Variants in AIG1 observed in about 807,000 individuals in gnomAD.
The protein encoded by AIG1 is androgen induced 1.
A neutral mutation model predicts 31.4 loss-of-function variants in AIG1; 23 were observed. That is an observed-to-expected ratio of 0.73 (90% CI 0.53 to 1.04). The LOEUF is 1.04. Among genes scored for constraint, AIG1 ranks in the 50% least tolerant of loss-of-function variants. AIG1 has a pLI of 0.00. For missense variants in AIG1, 274 were observed against 295.0 expected (o/e 0.93, Z 0.52); for synonymous variants, 100 against 110.5 (o/e 0.90, Z 0.60).
At chr6:143,086,448 A>G (rs529156068) in intron 1 of AIG1, among the ~76,000 whole-genome samples, 1 of 151,258 alleles carries the variant, frequency 6.6e-6, no homozygotes, top group Non-Finnish European at 1.5e-5. Context: ...TTTCATCCTG[A>G]TCTGTTATGT....
intron 1 of AIG1, among the ~76,000 whole-genome samples, chr6:143,119,490 A>C (rs1289477577): frequency 6.6e-6 from 1 of 152,228 alleles, no homozygotes; most frequent in Non-Finnish European, 1.5e-5. Context: ...ACAGATGCAT[A>C]CTTTGGAAGT....
intron 3 of AIG1, among the ~76,000 whole-genome samples, chr6:143,233,091 G>A (rs1305050711): frequency 1.3e-5 from 2 of 152,054 alleles, no homozygotes; most frequent in Non-Finnish European, 2.9e-5. Context: ...TGATATCCAT[G>A]AGTCTCACTT....
At chr6:143,137,488 C>A (rs1420801842) in intron 2 of AIG1, among the ~76,000 whole-genome samples, 1 of 152,162 alleles carries the variant, frequency 6.6e-6, no homozygotes, top group Non-Finnish European at 1.5e-5. Context: ...TCTTAAGCAG[C>A]CCAAACTTGA....
intron 1 of AIG1, among the ~76,000 whole-genome samples, chr6:143,128,755 A>G (rs903607007): frequency 2.0e-5 from 3 of 152,212 alleles, no homozygotes; most frequent in African/African-American, 7.2e-5. Context: ...CTGTAATGGG[A>G]TTTGTTAACT....
chr6:143,290,470 C>T (rs146855409), intron 4 of AIG1, among the ~76,000 whole-genome samples: 22 of 152,302 alleles, frequency 1.4e-4, no homozygotes, highest in African/African-American at 4.6e-4. Flanking sequence ...CGGAGTTGCG[C>T]GCATGCTCAC....
At chr6:143,107,546 T>A (rs755593394) in intron 1 of AIG1, among the ~76,000 whole-genome samples, 1 of 151,968 alleles carries the variant, frequency 6.6e-6, no homozygotes, top group Admixed American at 6.6e-5. Flanking sequence ...CCTTCATAAC[T>A]GCAAGCAAAA....
intron 1 of AIG1, among the ~76,000 whole-genome samples, chr6:143,125,150 A>C (rs2128505641): frequency 6.6e-6 from 1 of 152,350 alleles, no homozygotes; most frequent in South Asian, 2.1e-4. Context: ...CCATGAATAA[A>C]AATTTAGTGG....
intron 3 of AIG1, among the ~76,000 whole-genome samples, chr6:143,217,892 A>C (rs550650776): frequency 1.3e-5 from 2 of 152,328 alleles, no homozygotes; most frequent in South Asian, 4.1e-4. Flanking sequence ...TTTATGGCTC[A>C]ATATGTATTA....
At chr6:143,087,065 G>T (rs1253399249) in intron 1 of AIG1, among the ~76,000 whole-genome samples, 1 of 152,208 alleles carries the variant, frequency 6.6e-6, no homozygotes, top group African/African-American at 2.4e-5. Flanking sequence ...CTTAAGTCAG[G>T]CAGCCATGCT....
intron 2 of AIG1, among the ~76,000 whole-genome samples, chr6:143,141,422 T>C (rs1057028664): frequency 6.6e-6 from 1 of 152,250 alleles, no homozygotes; most frequent in African/African-American, 2.4e-5. Flanking sequence ...ATCCACTTCA[T>C]GGTCTCTGTT....
intron 4 of AIG1, among the ~76,000 whole-genome samples, chr6:143,313,870 A>G (rs1583839584): frequency 6.6e-6 from 1 of 152,080 alleles, no homozygotes; most frequent in East Asian, 1.9e-4. Context: ...TAAATTAAAA[A>G]TTAAAATTAA....
chr6:143,094,141 T>G (rs1779544723), intron 1 of AIG1: 6 of 152,278 alleles, frequency 3.9e-5, no homozygotes, highest in Admixed American at 2.6e-4. Context: ...TTGAGTGCGG[T>G]AAAATGAGGT....
intron 3 of AIG1, among the ~76,000 whole-genome samples, chr6:143,269,859 A>C (rs926418922): frequency 1.3e-5 from 2 of 152,224 alleles, no homozygotes; most frequent in African/African-American, 4.8e-5. Context: ...ATATTCTGGA[A>C]GGCTTTCGAA....
At position 143,070,159 on chromosome 6, in the gene AIG1, T is replaced by G. The variant is rs375093091; in HGVS notation, c.141+9093T>G. Among the ~76,000 whole-genome samples, 19 of 152,368 alleles carry G rather than the reference T, an allele frequency of 1.2e-4. No individual in the cohort carries two copies. The East Asian group carries it at 3.5e-3, about 28-fold the overall frequency. ...AATTTGTTTATGCTATTCTAATTACTTTTCCTTTTTGTTTAAATTTAGAAT... is the reference window on the plus strand; with the variant it reads ...AATTTGTTTATGCTATTCTAATTACGTTTCCTTTTTGTTTAAATTTAGAAT... On this transcript the variant is annotated intron_variant, in intron 1 of 5. Coordinates refer to ENST00000357847, the MANE Select transcript of AIG1 (RefSeq NM_016108.4).
chr6:143,192,996 TGAG>T (rs1789928747), intron 3 of AIG1, among the ~76,000 whole-genome samples: 1 of 152,132 alleles, frequency 6.6e-6, no homozygotes, highest in African/African-American at 2.4e-5. Flanking sequence ...ATTCCACAGG[TGAG>T]GAGCTGAGAC....
chr6:143,125,729 C>G (rs115775487), intron 1 of AIG1, among the ~76,000 whole-genome samples: 128 of 152,230 alleles, frequency 8.4e-4, no homozygotes, highest in African/African-American at 3.0e-3. Context: ...CTTCTTTAGA[C>G]GGTTGTTGTT....
chr6:143,278,195 T>G (rs551225274), intron 3 of AIG1, among the ~76,000 whole-genome samples: 3 of 152,340 alleles, frequency 2.0e-5, no homozygotes, highest in African/African-American at 4.8e-5. Context: ...CTTTCCAGTT[T>G]CCTGGTGAAA....
At chr6:143,221,266 T>A (rs754028026) in intron 3 of AIG1, among the ~76,000 whole-genome samples, 1 of 152,166 alleles carries the variant, frequency 6.6e-6, no homozygotes, top group Non-Finnish European at 1.5e-5. Context: ...TCATACTATA[T>A]CCAGTCCCCC....
At chr6:143,168,662 A>T (rs1224466606) in intron 3 of AIG1, among the ~76,000 whole-genome samples, 1 of 151,610 alleles carries the variant, frequency 6.6e-6, no homozygotes, top group Non-Finnish European at 1.5e-5. Context: ...AATTAGCTGG[A>T]TGTGGTGGTA....
Sources: allele counts gnomAD v4.1 joint callset (sites outside exome capture counted in the v4.1 genomes callset), GRCh38; gene constraint gnomAD v4.1.1; transcripts MANE v1.5; gene names NCBI Gene and HGNC (gene_info 2026-07-23, HGNC 2026-07-21).